The following TGDS variants were observed in gnomAD, a reference collection of about 807,000 sequenced individuals.
TGDS encodes the protein TDP-glucose 4,6-dehydratase.
In TGDS, 47 loss-of-function variants were observed where a neutral mutation model predicts 52.3. The ratio of observed to expected loss-of-function variants is 0.90; its 90% CI spans 0.71 to 1.15. TGDS has a LOEUF of 1.15. Among genes scored for constraint, TGDS ranks in the 50% most tolerant of loss-of-function variants. The probability of loss-of-function intolerance (pLI) is 0.00; values close to 1 mark genes in which losing one functional copy is unlikely to be tolerated. For missense variants in TGDS, 375 were observed against 418.4 expected (o/e 0.90, Z 0.90); for synonymous variants, 115 against 136.9 (o/e 0.84, Z 1.12).
intron 3 of TGDS, 57 bp downstream of exon 3, chr13:94,592,184 A>G: frequency 7.7e-7 from 1 of 1,301,056 alleles, no homozygotes; most frequent in East Asian, 2.4e-5. Context: ...GTACAAAGAT[A>G]CTATAATCTC....
At chr13:94,587,139 A>G (rs767290631) in intron 4 of TGDS, among the ~76,000 whole-genome samples, 1 of 149,802 alleles carries the variant, frequency 6.7e-6, no homozygotes, top group African/African-American at 2.5e-5. Flanking sequence ...CAGTATTTAG[A>G]AGTAAATTTA....
upstream of TGDS, chr13:94,596,223 C>G: frequency 2.8e-6 from 4 of 1,416,192 alleles, no homozygotes; most frequent in Non-Finnish European, 3.9e-6. Context: ...CGACGCGCCT[C>G]GCTCGCGGGA....
intron 4 of TGDS, among the ~76,000 whole-genome samples, chr13:94,590,146 CA>C (rs896055161): frequency 1.4e-5 from 2 of 146,402 alleles, no homozygotes; most frequent in African/African-American, 2.5e-5. Flanking sequence ...TTTGAAAAAA[CA>C]AAAAAAACTC....
chr13:94,581,053 A>T (rs762904196), intron 6 of TGDS, 38 bp downstream of exon 6: 1 of 1,236,374 alleles, frequency 8.1e-7, no homozygotes, highest in African/African-American at 1.5e-5. Context: ...TTAAGTCCAA[A>T]GGAAAATGTT....
rs1283227145 is a variant in TGDS at position 94,583,347 on chromosome 13, C to T, written c.314-111G>A. On this transcript the variant is annotated intron_variant, in intron 4 of 11. Coordinates refer to ENST00000261296, the MANE Select transcript of TGDS (RefSeq NM_014305.4). The stretch of plus-strand genomic sequence containing the variant: ...ACTAGTCACTGTTCTTCATTTACCA[C>T]AGCTGCAAGAGTTATAATAATAACA... 9 of 1,100,762 alleles carry T rather than the reference C, an allele frequency of 8.2e-6. 1 individual carries two copies. The highest frequency in any genetic ancestry group is 1.6e-5 in the African/African-American group (1 of 62,990). 68.2% of individuals were successfully genotyped at this position (1,100,762 alleles called of 1,614,324 possible).
chr13:94,591,020 C>A, intron 3 of TGDS, 77 bp from the exon 4 acceptor site: 3 of 917,686 alleles, frequency 3.3e-6, no homozygotes, highest in Non-Finnish European at 3.3e-6. Flanking sequence ...ACTATAGCAT[C>A]CCCCTACCTC....
intron 6 of TGDS, 26 bp from the exon 7 acceptor site, chr13:94,579,979 CT>C (rs755492380): frequency 1.4e-5 from 21 of 1,498,428 alleles, no homozygotes; most frequent in Non-Finnish European, 1.7e-5. Context: ...AACATTAAGG[CT>C]TTTAAAAAGG....
At position 94,593,915 on chromosome 13, in the gene TGDS, A is replaced by G. The variant is rs749813175; in HGVS notation, c.87-8T>C. 2.0e-6 allele frequency: 3 copies of G among 1,530,264 alleles called. No homozygotes were observed. The highest frequency in any genetic ancestry group is 2.7e-6 in the Non-Finnish European group (3 of 1,127,834). The allele number at this position is 1,530,264 out of a possible 1,614,324, so 94.8% of individuals were successfully genotyped here. On this transcript the variant is annotated splice_region_variant and splice_polypyrimidine_tract_variant and intron_variant, in intron 1 of 11. Coordinates refer to ENST00000261296, the MANE Select transcript of TGDS (RefSeq NM_014305.4). ...ACAATCATATGTGATGCACTATGGA[A>G]AAAAAGTATATCTTGTTAGTGAAAA...
chr13:94,580,002 T>C, intron 6 of TGDS, 49 bp from the exon 7 acceptor site: 6 of 1,239,572 alleles, frequency 4.8e-6, no homozygotes, highest in Non-Finnish European at 6.9e-6. Flanking sequence ...CTAATAATAA[T>C]GATTATTTTA....
intron 9 of TGDS, 127 bp downstream of exon 9, chr13:94,577,878 A>C (rs1293535595): frequency 1.0e-6 from 1 of 990,152 alleles, no homozygotes; most frequent in African/African-American, 1.7e-5. Context: ...TATGGTACAC[A>C]AAATCATTAA....
Position 94,578,744 on chromosome 13 carries a change from C to A in TGDS, c.645G>T (p.Gln215His), listed in dbSNP as rs1888689718. ...KVIPKFISLL[Q>H]HNRKCCIHGS... is the part of the protein sequence containing the mutation. ...TAATAACATACCATTTCCTGTTGTGCTGTAGCAAAGATATAAATTTTGGAA... is the reference window on the plus strand; with the variant it reads ...TAATAACATACCATTTCCTGTTGTGATGTAGCAAAGATATAAATTTTGGAA... The change falls in exon 8 of 12, where the codon CAG becomes CAT. Residue 215 changes from glutamine (Q) to histidine (H), a missense_variant. Physicochemically the swap from Gln to His is conservative, Grantham distance 24. Transcript: ENST00000261296. The A allele has an allele frequency of 6.5e-7, 1 of 1,531,812 alleles. No homozygotes were observed. The highest frequency in any genetic ancestry group is 1.4e-5 in the African/African-American group (1 of 72,940). The allele number at this position is 1,531,812 out of a possible 1,614,324, so 94.9% of individuals were successfully genotyped here.
At chr13:94,587,288 A>G (rs1457105213) in intron 4 of TGDS, among the ~76,000 whole-genome samples, 1 of 152,256 alleles carries the variant, frequency 6.6e-6, no homozygotes, top group Non-Finnish European at 1.5e-5. Context: ...GAAATTCATT[A>G]TATAGAAAAC....
intron 11 of TGDS, 84 bp from the exon 12 acceptor site, chr13:94,574,936 T>C: frequency 1.3e-6 from 1 of 785,564 alleles, no homozygotes; most frequent in Non-Finnish European, 2.0e-6. Context: ...ACTGAGTTCC[T>C]GCTAGCTAAG....
chr13:94,578,605 G>T, intron 8 of TGDS, 125 bp downstream of exon 8: 2 of 695,004 alleles, frequency 2.9e-6, no homozygotes, highest in Non-Finnish European at 5.0e-6. Context: ...CTGGAGAAAT[G>T]ATTCTTAAAT....
chr13:94,574,481 C>G lies in TGDS; in HGVS notation c.*301G>C, dbSNP rs1185740862. 2 of 256,642 alleles carry G rather than the reference C, an allele frequency of 7.8e-6. No homozygotes were observed. The highest frequency in any genetic ancestry group is 1.5e-5 in the Non-Finnish European group (2 of 136,214). The allele number at this position is 256,642 out of a possible 1,614,324, so 15.9% of individuals were successfully genotyped here. A position where few individuals can be genotyped will look rare whatever the true frequency, so the allele number is the denominator to read the frequency against. ...TGCCTTCTCCCTAGCACCACTACCC[C>G]TCATGGTTGTCCGAATCAGGAGACT... On this transcript the variant is annotated 3_prime_UTR_variant, in exon 12 of 12. Coordinates refer to ENST00000261296, the MANE Select transcript of TGDS (RefSeq NM_014305.4).
rs1403666860 is a variant in TGDS at position 94,576,993 on chromosome 13, C to T, written c.884+378G>A. On this transcript the variant is annotated intron_variant, in intron 10 of 11. Transcript: ENST00000261296. ...GCGTGTGCCTGTAGTCCCAGCTACT[C>T]GGGAGGCTGAGGCAGGAGAACTGCT... Among the ~76,000 whole-genome samples the T allele has an allele frequency of 9.2e-5, 14 of 151,718 alleles. No homozygotes were observed. The East Asian group carries it at 1.2e-3, about 13-fold the overall frequency.
chr13:94,589,166 T>C lies in TGDS; in HGVS notation c.313+1687A>G, dbSNP rs151178373. Among the ~76,000 whole-genome samples, 743 of 152,176 alleles carry C rather than the reference T, an allele frequency of 4.9e-3. 7 individuals carry two copies. The highest frequency in any genetic ancestry group is 0.017 in the African/African-American group (704 of 41,514). On this transcript the variant is annotated intron_variant, in intron 4 of 11. Coordinates refer to ENST00000261296, the MANE Select transcript of TGDS (RefSeq NM_014305.4). ...ACACACTGTCAAAAAAGTGAGAAGA[T>C]AGGCCATACAGAGAAGGCTCTGTAA...
intron 2 of TGDS, among the ~76,000 whole-genome samples, chr13:94,592,636 A>C (rs1344740111): frequency 6.6e-6 from 1 of 151,890 alleles, no homozygotes; most frequent in Non-Finnish European, 1.5e-5. Flanking sequence ...TGTATTTTGT[A>C]GTAGAGGCAG....
Position 94,590,898 on chromosome 13 carries a change from C to T in TGDS, c.268G>A (p.Glu90Lys), listed in dbSNP as rs777933953. 2 of 1,575,536 alleles carry T rather than the reference C, an allele frequency of 1.3e-6. No individual in the cohort carries two copies. Among genetic ancestry groups the T allele is most frequent in the South Asian group, 2.4e-5 (2 of 83,050 alleles). ...SHFVKLLFET[E>K]KIDIVLHFAA... ...AAATGTAGTACTATATCTATTTTCT[C>T]TGTTTCAAAAAGCAGTTTCACAAAG... Residue 90 changes from glutamate to lysine, a missense_variant, in exon 4 of 12, where the codon GAG (glutamate) becomes AAG (lysine). Transcript: ENST00000261296.
Sources: gnomAD v4.1 joint callset for allele counts (sites outside exome capture counted in the v4.1 genomes callset) on GRCh38, gnomAD v4.1.1 for gene constraint, MANE v1.5 for transcripts, NCBI Gene and HGNC (gene_info 2026-07-23, HGNC 2026-07-21) for gene names.